Variants in TRHDE observed in about 807,000 individuals in gnomAD.
TRHDE encodes thyrotropin releasing hormone degrading enzyme.
TRHDE carries 72 observed loss-of-function variants against 125.7 expected under a neutral mutation model. That is an observed-to-expected ratio of 0.57 (90% CI 0.47 to 0.70). The LOEUF (loss-of-function observed/expected upper bound fraction) is 0.70. TRHDE is among the 30% of genes least tolerant of loss of function. The pLI, the probability that TRHDE is intolerant of heterozygous loss-of-function variation, is 0.00. For synonymous variants in TRHDE, 509 were observed against 509.1 expected, an observed-to-expected ratio of 1.00 and a Z score of 0.00; for missense variants, 1,110 against 1,327.1, an observed-to-expected ratio of 0.84 and a Z score of 2.54.
chr12:72,564,161 T>C (rs186860266), intron 9 of TRHDE, among the ~76,000 whole-genome samples: 19 of 152,322 alleles, frequency 1.2e-4, no homozygotes, highest in African/African-American at 4.3e-4. Flanking sequence ...TTCAACATGC[T>C]ACCCTTTGAA....
chr12:72,522,914 C>A (rs556294620), intron 6 of TRHDE, among the ~76,000 whole-genome samples: 2 of 152,230 alleles, frequency 1.3e-5, no homozygotes, highest in South Asian at 2.1e-4. Flanking sequence ...TCTGACGGAC[C>A]ATTGATCTGC....
chr12:72,575,278 G>A lies in TRHDE; in HGVS notation c.2155G>A (p.Asp719Asn), dbSNP rs1458000721. The A allele has an allele frequency of 6.2e-7, 1 of 1,613,322 alleles. No individual in the cohort carries two copies. Among genetic ancestry groups the A allele is most frequent in the East Asian group, 2.2e-5 (1 of 44,846 alleles). The change falls in exon 11 of 19, where the codon GAC (aspartate) becomes AAC (asparagine). Residue 719 changes from aspartate to asparagine, a missense_variant. Coordinates refer to ENST00000261180, the MANE Select transcript of TRHDE (RefSeq NM_013381.3). ...KSEHHRITYLDKGSWLLGNIN... is the reference protein window; with the variant it reads ...KSEHHRITYLNKGSWLLGNIN... ...AGAGCACCACAGAATAACTTATTTG[G>A]ACAAAGGAAGCTGGCTGCTGGGGAA...
intron 2 of TRHDE, among the ~76,000 whole-genome samples, chr12:72,210,513 G>C (rs1470983765): frequency 6.6e-6 from 1 of 152,134 alleles, no homozygotes; most frequent in Non-Finnish European, 1.5e-5. Flanking sequence ...TTCAATATTT[G>C]TGTTAATGGA....
intron 12 of TRHDE, among the ~76,000 whole-genome samples, chr12:72,610,154 T>TCAATAATA (rs1350177450): frequency 3.9e-5 from 6 of 152,240 alleles, no homozygotes; most frequent in African/African-American, 1.4e-4. Flanking sequence ...TGAAATTATT[T>TCAATAATA]ATCCGTGACC....
chr12:72,642,221 T>C (rs2136101003), intron 15 of TRHDE, among the ~76,000 whole-genome samples: 1 of 152,336 alleles, frequency 6.6e-6, no homozygotes, highest in African/African-American at 2.4e-5. Context: ...CAGCCATCAT[T>C]ATTATTTAAC....
upstream of TRHDE, chr12:72,271,930 G>A (rs1312991107): frequency 2.2e-6 from 1 of 456,624 alleles, no homozygotes; most frequent in Non-Finnish European, 4.4e-6. Flanking sequence ...ACCTCCTGCC[G>A]TTTGCCGCCA....
Position 72,520,416 on chromosome 12 carries a change from C to A in TRHDE, c.1722+20781C>A, listed in dbSNP as rs543634940. On this transcript the variant is annotated intron_variant, in intron 6 of 18. Coordinates refer to ENST00000261180, the MANE Select transcript of TRHDE (RefSeq NM_013381.3). ...GTGACCTGATTTTCCAGGTGCCGAC[C>A]GTCACGCCTTTCTTTGACTAGGAAA... Among the ~76,000 whole-genome samples the A allele has an allele frequency of 9.8e-5, 15 of 152,286 alleles. No individual in the cohort carries two copies. The East Asian group carries it at 2.7e-3, about 28-fold the overall frequency.
chr12:72,607,187 C>CTAA (rs1872479883), intron 12 of TRHDE, among the ~76,000 whole-genome samples: 2 of 152,222 alleles, frequency 1.3e-5, no homozygotes, highest in South Asian at 4.1e-4. Context: ...CTGGATTTTG[C>CTAA]TAATTGCATC....
At chr12:72,290,574 A>G (rs1880049747) in intron 2 of TRHDE, among the ~76,000 whole-genome samples, 1 of 152,204 alleles carries the variant, frequency 6.6e-6, no homozygotes, top group Admixed American at 6.5e-5. Flanking sequence ...TCTGTGTTCA[A>G]TAATGTCTGG....
intron 1 of TRHDE, among the ~76,000 whole-genome samples, chr12:72,098,679 G>A (rs143525949): frequency 1.6e-4 from 25 of 152,174 alleles, no homozygotes; most frequent in African/African-American, 5.5e-4. Flanking sequence ...CCTCTTGTAC[G>A]GAAGACTGTC....
chr12:72,289,736 A>G (rs1880018399), intron 2 of TRHDE, among the ~76,000 whole-genome samples: 1 of 152,186 alleles, frequency 6.6e-6, no homozygotes, highest in African/African-American at 2.4e-5. Context: ...CTTATATTCT[A>G]ATGAGGTGAG....
At position 72,618,942 on chromosome 12, in the gene TRHDE, TGAG is replaced by T; in HGVS notation, c.2377_2379del (p.Glu793del). 6.3e-7 allele frequency: 1 copy of T among 1,598,238 alleles called. No individual in the cohort carries two copies. Among genetic ancestry groups the T allele is most frequent in the Non-Finnish European group, 8.5e-7 (1 of 1,171,570 alleles). ...CTCTGGAGATTATCAGATACCTGTC[TGAG>T]GAGAAGGATTTTCTTCCTTGGCATG... is the stretch of plus-strand genomic sequence containing the variant. On this transcript the variant is annotated inframe_deletion, in exon 13 of 19. Transcript: ENST00000261180.
intron 5 of TRHDE, among the ~76,000 whole-genome samples, chr12:72,483,347 A>G (rs1423173656): frequency 6.6e-6 from 1 of 152,024 alleles, no homozygotes; most frequent in East Asian, 1.9e-4. Flanking sequence ...GCTGTCTGCT[A>G]CTTAATAGCT....
intron 2 of TRHDE, among the ~76,000 whole-genome samples, chr12:72,330,795 C>G (rs1344127535): frequency 2.0e-5 from 3 of 152,092 alleles, no homozygotes; most frequent in Non-Finnish European, 4.4e-5. Context: ...TGACACTAAG[C>G]TTGGGTGGTT....
At chr12:72,329,177 C>A (rs756526141) in intron 2 of TRHDE, among the ~76,000 whole-genome samples, 1 of 152,096 alleles carries the variant, frequency 6.6e-6, no homozygotes, top group Non-Finnish European at 1.5e-5. Flanking sequence ...CAGTGATTAT[C>A]GTATATTGTC....
chr12:72,590,958 A>G (rs560787011), intron 12 of TRHDE, among the ~76,000 whole-genome samples: 2 of 152,180 alleles, frequency 1.3e-5, no homozygotes, highest in South Asian at 2.1e-4. Context: ...CTGTTCTCAC[A>G]CTGAGACTGG....
chr12:72,157,807 G>T (rs1294067846), intron 2 of TRHDE, among the ~76,000 whole-genome samples: 1 of 152,154 alleles, frequency 6.6e-6, no homozygotes, highest in Non-Finnish European at 1.5e-5. Flanking sequence ...TGGAAATTTG[G>T]AGATACTGAC....
intron 2 of TRHDE, among the ~76,000 whole-genome samples, chr12:72,374,484 G>C (rs1324738108): frequency 6.6e-6 from 1 of 152,088 alleles, no homozygotes; most frequent in African/African-American, 2.4e-5. Flanking sequence ...ATGGCCATGA[G>C]ACTAGATGTT....
intron 12 of TRHDE, among the ~76,000 whole-genome samples, chr12:72,614,272 C>T (rs974730874): frequency 3.4e-5 from 5 of 149,074 alleles, no homozygotes; most frequent in East Asian, 3.9e-4. Context: ...TTTTACATCT[C>T]TTCAGACAAT....
Sources: gnomAD v4.1 joint callset for allele counts (sites outside exome capture counted in the v4.1 genomes callset) on GRCh38, gnomAD v4.1.1 for gene constraint, MANE v1.5 for transcripts, NCBI Gene and HGNC (gene_info 2026-07-23, HGNC 2026-07-21) for gene names.